The following SLC24A4 variants were observed in gnomAD, a reference collection of about 807,000 sequenced individuals.
The protein encoded by SLC24A4 is solute carrier family 24 member 4.
In SLC24A4, 53 loss-of-function variants were observed where a neutral mutation model predicts 79.0. The observed-to-expected ratio is 0.67, with a 90% CI of 0.54 to 0.84. SLC24A4 has a LOEUF of 0.84. Among genes scored for constraint, SLC24A4 ranks in the 40% least tolerant of loss-of-function variants. SLC24A4 has a pLI of 0.00. For synonymous variants in SLC24A4, 323 were observed against 323.8 expected (o/e 1.00, Z 0.03); for missense variants, 731 against 822.0 (o/e 0.89, Z 1.35).
chr14:92,452,915 A>G (rs1893230667), intron 10 of SLC24A4: 1 of 152,182 alleles, frequency 6.6e-6, no homozygotes, highest in South Asian at 2.1e-4. Context: ...TTCGCTGGTT[A>G]CCCTAAAACC....
In SLC24A4 at chr14:92,394,796, G is replaced by A. The variant is rs17128278; in HGVS notation, c.242-39116G>A. 7.5e-3 allele frequency among the ~76,000 whole-genome samples: 1,135 copies of A among 152,288 alleles called. 20 individuals are homozygous for A. Among genetic ancestry groups the A allele is most frequent in the African/African-American group, 0.025 (1,058 of 41,556 alleles). Reference sequence around the variant, plus strand: ...GACTTTTAAAACTACACATCCTATGGGATATCAGCAGTATCATTTGTGCGT... The same window carrying A: ...GACTTTTAAAACTACACATCCTATGAGATATCAGCAGTATCATTTGTGCGT... On this transcript the variant is annotated intron_variant, in intron 2 of 16. Transcript: ENST00000532405.
intron 2 of SLC24A4, among the ~76,000 whole-genome samples, chr14:92,374,870 T>G (rs1888415320): frequency 6.6e-6 from 1 of 152,250 alleles, no homozygotes; most frequent in South Asian, 2.1e-4. Flanking sequence ...TACTCCTATC[T>G]TTTGGTTTTA....
intron 2 of SLC24A4, among the ~76,000 whole-genome samples, chr14:92,424,228 A>C (rs1156794620): frequency 6.6e-6 from 1 of 152,176 alleles, no homozygotes; most frequent in Non-Finnish European, 1.5e-5. Flanking sequence ...TGTCTCTCTA[A>C]GTTCGTGTGA....
At chr14:92,466,870 T>G (rs988516476) in intron 12 of SLC24A4, among the ~76,000 whole-genome samples, 1 of 152,234 alleles carries the variant, frequency 6.6e-6, no homozygotes, top group Non-Finnish European at 1.5e-5. Flanking sequence ...AGTCAGTCAC[T>G]GAATTTCACC....
chr14:92,391,882 C>T (rs1026797602), intron 2 of SLC24A4, among the ~76,000 whole-genome samples: 1 of 152,202 alleles, frequency 6.6e-6, no homozygotes, highest in Non-Finnish European at 1.5e-5. Flanking sequence ...TGTGAGTGTG[C>T]CATGGTGGGC....
chr14:92,382,076 C>T (rs1026288556), intron 2 of SLC24A4, among the ~76,000 whole-genome samples: 8 of 152,030 alleles, frequency 5.3e-5, no homozygotes, highest in African/African-American at 1.9e-4. Flanking sequence ...TCCCTAGTGA[C>T]AATCTGCATT....
chr14:92,411,403 T>C (rs2141792105), intron 2 of SLC24A4, among the ~76,000 whole-genome samples: 1 of 152,326 alleles, frequency 6.6e-6, no homozygotes, highest in East Asian at 1.9e-4. Context: ...CCCAGTGAGT[T>C]ACTGCTAATA....
intron 16 of SLC24A4, chr14:92,492,730 G>T (rs1009695546): frequency 3.7e-5 from 15 of 403,998 alleles, no homozygotes; most frequent in African/African-American, 2.3e-4. Flanking sequence ...GGGCTCAGGG[G>T]TTAACTTTCC....
In SLC24A4 at chr14:92,499,008, CT is replaced by C. The variant is rs1896038944; in HGVS notation, c.*5383del. 1 of 152,232 alleles carries C rather than the reference CT, an allele frequency of 6.6e-6. No homozygotes were observed. Among genetic ancestry groups the C allele is most frequent in the South Asian group, 2.1e-4 (1 of 4,836 alleles). 9.4% of individuals were successfully genotyped at this position (152,232 alleles called of 1,614,324 possible). A position where few individuals can be genotyped will look rare whatever the true frequency, so the allele number is the denominator to read the frequency against. ...TGTTCTGCAACCAGGGTGGAGCTATCTTTCCAGGGAAGCCAGCTGAGAGGTT... is the reference window on the plus strand; with the variant it reads ...TGTTCTGCAACCAGGGTGGAGCTATCTTCCAGGGAAGCCAGCTGAGAGGTT... On this transcript the variant is annotated 3_prime_UTR_variant, in exon 17 of 17. Transcript: ENST00000532405.
intron 12 of SLC24A4, among the ~76,000 whole-genome samples, chr14:92,460,833 C>T (rs1052677493): frequency 1.3e-5 from 2 of 152,208 alleles, no homozygotes; most frequent in Non-Finnish European, 2.9e-5. Context: ...GATGACGGGT[C>T]GCTGGGATTG....
intron 2 of SLC24A4, among the ~76,000 whole-genome samples, chr14:92,359,664 A>C (rs8021994): frequency 0.11 from 17,168 of 152,182 alleles, 1,080 homozygotes; most frequent in East Asian, 0.16. Flanking sequence ...AACGTTAAGT[A>C]TAACAAGTAA....
chr14:92,365,648 TGCGA>T (rs1226072653), intron 2 of SLC24A4, among the ~76,000 whole-genome samples: 6 of 152,164 alleles, frequency 3.9e-5, no homozygotes, highest in Admixed American at 3.9e-4. Flanking sequence ...CCCCAGGGCC[TGCGA>T]GTCACTTGGG....
Position 92,398,352 on chromosome 14 carries a change from G to A in SLC24A4, c.242-35560G>A, listed in dbSNP as rs779576598. On this transcript the variant is annotated intron_variant, in intron 2 of 16. Transcript: ENST00000532405. This position sits in a 1 kb window ranked among gnomAD's most constrained non-coding sequence, Gnocchi z 4.1. ...CTGCAGCAGGGTTAGAAAGGGAGGA[G>A]GCTGGCAGCAGGCTGGTGGGCGGAG... Among the ~76,000 whole-genome samples the A allele has an allele frequency of 1.3e-5, 2 of 152,174 alleles. No individual in the cohort carries two copies. The highest frequency in any genetic ancestry group is 2.4e-5 in the African/African-American group (1 of 41,430).
intron 2 of SLC24A4, among the ~76,000 whole-genome samples, chr14:92,368,334 G>T (rs72695111): frequency 0.02 from 3,080 of 152,300 alleles, 44 homozygotes; most frequent in Non-Finnish European, 0.032. Flanking sequence ...TAAGACGGGG[G>T]CTCCAGTATG....
At position 92,387,076 on chromosome 14, in the gene SLC24A4, C is replaced by T. The variant is rs116369101; in HGVS notation, c.242-46836C>T. Among the ~76,000 whole-genome samples the T allele has an allele frequency of 6.4e-3, 970 of 151,706 alleles. 10 individuals carry two copies. Among genetic ancestry groups the T allele is most frequent in the African/African-American group, 0.022 (909 of 41,320 alleles). ...TGTAGACCCACCTCCACCAGCCCTC[C>T]ACTCCCCTAAAGAAAGGAAACAGTA... On this transcript the variant is annotated intron_variant, in intron 2 of 16. Transcript: ENST00000532405.
chr14:92,356,687 A>G (rs7142084), intron 2 of SLC24A4, among the ~76,000 whole-genome samples: 133,071 of 152,308 alleles, frequency 0.87, 58,577 homozygotes, highest in East Asian at 0.98. Context: ...ATACATTGGC[A>G]TGGTATAGAC....
chr14:92,401,275 A>G (rs903618180), intron 2 of SLC24A4, among the ~76,000 whole-genome samples: 1 of 152,192 alleles, frequency 6.6e-6, no homozygotes, highest in Admixed American at 6.5e-5. Context: ...CACCAAATGG[A>G]AAAACCGTGC....
chr14:92,413,695 G>C (rs951835167), intron 2 of SLC24A4, among the ~76,000 whole-genome samples: 1 of 152,192 alleles, frequency 6.6e-6, no homozygotes, highest in Non-Finnish European at 1.5e-5. Flanking sequence ...TCAAAATCTG[G>C]GCTGGGAGCA....
At chr14:92,484,200 G>A (rs1895234546) in intron 13 of SLC24A4, 1 of 985,136 alleles carries the variant, frequency 1.0e-6, no homozygotes, top group African/African-American at 1.7e-5. Flanking sequence ...GAGCATTACT[G>A]GAATTCTAAA....
Sources: gnomAD v4.1 joint callset for allele counts (sites outside exome capture counted in the v4.1 genomes callset) on GRCh38, gnomAD v4.1.1 for gene constraint, Gnocchi (gnomAD v3.1) non-coding constraint, MANE v1.5 for transcripts, NCBI Gene and HGNC (gene_info 2026-07-23, HGNC 2026-07-21) for gene names.